FGFR2: variants seen among roughly 807,000 people sequenced by gnomAD.
The protein encoded by FGFR2 is fibroblast growth factor receptor 2.
In FGFR2, 19 loss-of-function variants were observed where a neutral mutation model predicts 95.9. The ratio of observed to expected loss-of-function variants is 0.20; its 90% CI spans 0.14 to 0.29. The LOEUF is 0.29. Ranked by LOEUF, FGFR2 falls within the 10% of genes least tolerant of loss-of-function variation. FGFR2 has a pLI of 1.00. For synonymous variants in FGFR2, 392 were observed against 393.3 expected (o/e 1.00, Z 0.04); for missense variants, 707 against 1,056.9 (o/e 0.67, Z 4.59).
At chr10:121,528,759 A>G (rs7078816) in intron 6 of FGFR2, among the ~76,000 whole-genome samples, 2,294 of 152,282 alleles carry the variant, frequency 0.015, 62 homozygotes, top group African/African-American at 0.052. Flanking sequence ...GAAACTTCAA[A>G]ATAGTCACCC....
In FGFR2 at chr10:121,531,524, C is replaced by T. The variant is rs561927009; in HGVS notation, c.748+7068G>A. 3.3e-5 allele frequency among the ~76,000 whole-genome samples: 5 copies of T among 152,254 alleles called. No homozygotes were observed. Among genetic ancestry groups the T allele is most frequent in the South Asian group, 2.1e-4 (1 of 4,808 alleles). ...TTCATCAGGATGGGCTCAGGGTGCACGGCTCTGTCTGGAGATGCAAGAGGA... is the reference window on the plus strand; with the variant it reads ...TTCATCAGGATGGGCTCAGGGTGCATGGCTCTGTCTGGAGATGCAAGAGGA... On this transcript the variant is annotated intron_variant, in intron 6 of 17. Coordinates refer to ENST00000358487, the MANE Select transcript of FGFR2 (RefSeq NM_000141.5). This position sits in a 1 kb window ranked among gnomAD's most constrained non-coding sequence, Gnocchi z 4.5.
chr10:121,532,044 C>T lies in FGFR2; in HGVS notation c.748+6548G>A, dbSNP rs181507153. On this transcript the variant is annotated intron_variant, in intron 6 of 17. Coordinates refer to ENST00000358487, the MANE Select transcript of FGFR2 (RefSeq NM_000141.5). ...TTTCTGCCCCCCTCCGGTGAGATTT[C>T]GCAACTCTAGAGCTGGCATGCAGAG... Among the ~76,000 whole-genome samples, 554 of 152,306 alleles carry T rather than the reference C, an allele frequency of 3.6e-3. 3 individuals carry two copies. The highest frequency in any genetic ancestry group is 0.012 in the African/African-American group (494 of 41,584).
intron 16 of FGFR2, among the ~76,000 whole-genome samples, chr10:121,484,578 G>A (rs191198185): frequency 5.3e-5 from 8 of 152,268 alleles, no homozygotes; most frequent in Admixed American, 1.3e-4. Flanking sequence ...ACAATAGACC[G>A]CAGTTTCTGG....
At chr10:121,501,739 G>A (rs959343740) in intron 10 of FGFR2, among the ~76,000 whole-genome samples, 2 of 152,182 alleles carry the variant, frequency 1.3e-5, no homozygotes, top group African/African-American at 4.8e-5. Context: ...TTTAAGGTAA[G>A]TACACAATAG....
rs1007200388 is a variant in FGFR2, at chr10:121,485,009, C to T, written c.2195+386G>A. ...GTTGGTTCCTTAATCCTACACCCTGCAGGGCGGCCCCGCGGCTTTCTAGCT... is the reference window on the plus strand; with the variant it reads ...GTTGGTTCCTTAATCCTACACCCTGTAGGGCGGCCCCGCGGCTTTCTAGCT... On this transcript the variant is annotated intron_variant, in intron 16 of 17. Coordinates refer to ENST00000358487, the MANE Select transcript of FGFR2 (RefSeq NM_000141.5). This position sits in a 1 kb window ranked among gnomAD's most constrained non-coding sequence, Gnocchi z 4.2. Among the ~76,000 whole-genome samples the T allele has an allele frequency of 6.6e-6, 1 of 152,154 alleles. No homozygotes were observed. The highest frequency in any genetic ancestry group is 2.4e-5 in the African/African-American group (1 of 41,450).
In FGFR2 at chr10:121,485,658, T is replaced by C. The variant is rs761022276; in HGVS notation, c.2058-126A>G. ...CAAAGACAAATGGGCCCTCCTGCAG[T>C]TCCTCCTATGTGCTCTTTCCTGCCC... On this transcript the variant is annotated intron_variant, in intron 15 of 17. Coordinates refer to ENST00000358487, the MANE Select transcript of FGFR2 (RefSeq NM_000141.5). This position sits in a 1 kb window ranked among gnomAD's most constrained non-coding sequence, Gnocchi z 4.2. 1.9e-5 allele frequency: 19 copies of C among 1,002,220 alleles called. No individual in the cohort carries two copies. In the African/African-American group the frequency reaches 3.0e-4, roughly 16 times the overall value. The allele number at this position is 1,002,220 out of a possible 1,614,324, so 62.1% of individuals were successfully genotyped here. A position where few individuals can be genotyped will look rare whatever the true frequency, so the allele number is the denominator to read the frequency against.
At position 121,548,467 on chromosome 10, in the gene FGFR2, G is replaced by A. The variant is rs560455364; in HGVS notation, c.624+2823C>T. ...AGAACATAGGTGCTCTTCATCTAGC[G>A]AAATGTTGGAATCAATAATTAACAC... On this transcript the variant is annotated intron_variant, in intron 5 of 17. Transcript: ENST00000358487. 7.2e-5 allele frequency among the ~76,000 whole-genome samples: 11 copies of A among 151,848 alleles called. No homozygotes were observed. In the South Asian group the frequency reaches 2.1e-3, roughly 29 times the overall value.
intron 6 of FGFR2, among the ~76,000 whole-genome samples, chr10:121,527,199 C>T (rs1851496908): frequency 1.3e-5 from 2 of 152,138 alleles, no homozygotes; most frequent in South Asian, 4.1e-4. Context: ...TTATTAGTAC[C>T]TTCCCTAATT....
chr10:121,585,974 G>A (rs41301575), intron 2 of FGFR2, among the ~76,000 whole-genome samples: 649 of 152,270 alleles, frequency 4.3e-3, no homozygotes, highest in Middle Eastern at 0.01. Context: ...GGTGTTCAAA[G>A]AGTTTAAAAC....
At chr10:121,532,832 G>C (rs1309960405) in intron 6 of FGFR2, among the ~76,000 whole-genome samples, 1 of 152,188 alleles carries the variant, frequency 6.6e-6, no homozygotes, top group Non-Finnish European at 1.5e-5. Context: ...CCTGAGGGGG[G>C]ACTTCGCTCT....
chr10:121,543,659 G>C (rs1028848319), intron 5 of FGFR2, among the ~76,000 whole-genome samples: 4 of 152,242 alleles, frequency 2.6e-5, no homozygotes, highest in Non-Finnish European at 5.9e-5. Context: ...GGTACCTGCT[G>C]TTGCTCACCA....
intron 10 of FGFR2, 27 bp downstream of exon 10, chr10:121,503,763 T>C: frequency 1.2e-6 from 2 of 1,613,902 alleles, no homozygotes. Flanking sequence ...GTCTCCATCC[T>C]GGGACATGGC....
chr10:121,540,790 C>A (rs569589679), intron 5 of FGFR2, among the ~76,000 whole-genome samples: 132 of 152,180 alleles, frequency 8.7e-4, no homozygotes, highest in Non-Finnish European at 1.7e-3. Context: ...AATGTCATGC[C>A]CATAAGCCCT....
In FGFR2 at chr10:121,498,564, T is replaced by C; in HGVS notation, c.1603A>G (p.Met535Val). 7 of 1,614,128 alleles carry C rather than the reference T, an allele frequency of 4.3e-6. No individual in the cohort carries two copies. Among genetic ancestry groups the C allele is most frequent in the Non-Finnish European group, 5.9e-6 (7 of 1,179,980 alleles). The change falls in exon 12 of 18, where the codon ATG (methionine) becomes GTG (valine). Residue 535 changes from methionine (M) to valine (V), a missense_variant. By Grantham distance (21) the Met-to-Val change is conservative. Around this residue, in one of 7 missense-constraint regions of FGFR2, gnomAD observed 194 missense variants for 267.3 expected, o/e 0.73. Transcript: ENST00000358487. ...EKDLSDLVSE[M>V]EMMKMIGKHK... ...TTCCCAATCATCTTCATCATCTCCA[T>C]CTCTGACACCAGATCAGAAAGGTCT...
chr10:121,547,400 CT>C (rs764591388), intron 5 of FGFR2, among the ~76,000 whole-genome samples: 324 of 139,206 alleles, frequency 2.3e-3, no homozygotes, highest in Middle Eastern at 3.7e-3. Context: ...CCTTTTTTTT[CT>C]TTTTTTTTTT....
intron 2 of FGFR2, among the ~76,000 whole-genome samples, chr10:121,571,904 T>C (rs546769750): frequency 2.0e-5 from 3 of 151,190 alleles, no homozygotes; most frequent in East Asian, 2.0e-4. Flanking sequence ...GCTCACGCCA[T>C]TGCACTCCAG....
chr10:121,550,028 G>A (rs957110765), intron 5 of FGFR2, among the ~76,000 whole-genome samples: 1 of 152,074 alleles, frequency 6.6e-6, no homozygotes, highest in African/African-American at 2.4e-5. Flanking sequence ...TCATCATAAG[G>A]TTTCCTTCAG....
chr10:121,558,630 C>T (rs1319958159), intron 4 of FGFR2, among the ~76,000 whole-genome samples: 12 of 141,098 alleles, frequency 8.5e-5, no homozygotes, highest in African/African-American at 2.5e-4. Context: ...TTTTTTGAGA[C>T]GGAGTCTCAC....
Position 121,518,638 on chromosome 10 carries a change from C to A in FGFR2, c.940-1175G>T, listed in dbSNP as rs777132053. The A allele has an allele frequency of 6.2e-7, 1 of 1,613,150 alleles. No homozygotes were observed. Among genetic ancestry groups the A allele is most frequent in the East Asian group, 2.2e-5 (1 of 44,872 alleles). ...CACCAAGTCTTTTCAGCTTCTATAT[C>A]CAGCTTTCTTTTTAAAAAAAGACAA... On this transcript the variant is annotated intron_variant, in intron 7 of 17. Coordinates refer to ENST00000358487, the MANE Select transcript of FGFR2 (RefSeq NM_000141.5). This position sits in a 1 kb window ranked among gnomAD's most constrained non-coding sequence, Gnocchi z 4.0.
Sources: gnomAD v4.1 joint callset for allele counts (sites outside exome capture counted in the v4.1 genomes callset) on GRCh38, gnomAD v4.1.1 for gene constraint, gnomAD v4.1.1 regional missense constraint, Gnocchi (gnomAD v3.1) non-coding constraint, MANE v1.5 for transcripts, NCBI Gene and HGNC (gene_info 2026-07-23, HGNC 2026-07-21) for gene names.